The following NXNL2 variants were observed in gnomAD, a reference collection of about 807,000 sequenced individuals.
The protein encoded by NXNL2 is nucleoredoxin-like protein 2.
In NXNL2, 7 loss-of-function variants were observed where a neutral mutation model predicts 11.1. The ratio of observed to expected loss-of-function variants is 0.63; its 90% CI spans 0.36 to 1.18. NXNL2 has a LOEUF of 1.18. NXNL2 is among the 50% of genes most tolerant of loss of function. The pLI is 0.02. For synonymous variants in NXNL2, 109 were observed against 101.8 expected, an observed-to-expected ratio of 1.07 and a Z score of -0.42; for missense variants, 233 against 217.7, an observed-to-expected ratio of 1.07 and a Z score of -0.44.
At chr9:88,576,899 G>T (rs955282151), downstream of NXNL2, among the ~76,000 whole-genome samples, 43 of 152,244 alleles carry the variant, frequency 2.8e-4, 1 homozygote, top group East Asian at 1.4e-3. Context: ...TGCTTAAGGG[G>T]CTCCAACACT....
chr9:88,572,042 G>A (rs1347318530), intron 2 of NXNL2, among the ~76,000 whole-genome samples: 2 of 152,158 alleles, frequency 1.3e-5, no homozygotes, highest in Non-Finnish European at 2.9e-5. Flanking sequence ...TGAGGAGCAC[G>A]TGCCCAGAGA....
At chr9:88,535,765 C>G in intron 1 of NXNL2, 29 bp downstream of exon 1, 1 of 1,511,648 alleles carries the variant, frequency 6.6e-7, no homozygotes. Context: ...GGGGCGGGGG[C>G]CGCCCGGCAC....
chr9:88,578,232 C>T (rs1349214347), downstream of NXNL2, among the ~76,000 whole-genome samples: 2 of 152,166 alleles, frequency 1.3e-5, no homozygotes, highest in Non-Finnish European at 2.9e-5. Flanking sequence ...GTCCTCAAGG[C>T]GAGGGTTCCC....
At chr9:88,566,712 A>G (rs1482440854) in intron 1 of NXNL2, among the ~76,000 whole-genome samples, 1 of 152,104 alleles carries the variant, frequency 6.6e-6, no homozygotes, top group Non-Finnish European at 1.5e-5. Flanking sequence ...GACACATTTC[A>G]TTCTTTTGCA....
At position 88,544,440 on chromosome 9, in the gene NXNL2, G is replaced by A; in HGVS notation, c.364G>A (p.Gly122Arg). 1 of 1,551,850 alleles carries A rather than the reference G, an allele frequency of 6.4e-7. No homozygotes were observed. The highest frequency in any genetic ancestry group is 8.7e-7 in the Non-Finnish European group (1 of 1,147,032). The change falls in exon 2 of 2, where the codon GGG (glycine) becomes AGG (arginine). Residue 122 changes from glycine to arginine, a missense_variant. Physicochemically the swap from Gly to Arg is moderately radical, Grantham distance 125. Transcript: ENST00000375854. ...IPKLVIVKQN[G>R]EVITNKGRKQ... ...CAAGCTTGTGATTGTGAAACAAAATGGGGAGGTCATCACCAACAAAGGGCG... is the reference window on the plus strand; with the variant it reads ...CAAGCTTGTGATTGTGAAACAAAATAGGGAGGTCATCACCAACAAAGGGCG...
intron 1 of NXNL2, among the ~76,000 whole-genome samples, chr9:88,552,659 C>T (rs1419062909): frequency 6.6e-6 from 1 of 151,908 alleles, no homozygotes; most frequent in Non-Finnish European, 1.5e-5. Flanking sequence ...TTAGTAGAGA[C>T]GGGATTTCAC....
chr9:88,554,107 C>A (rs571953233), intron 1 of NXNL2, among the ~76,000 whole-genome samples: 1 of 152,242 alleles, frequency 6.6e-6, no homozygotes, highest in South Asian at 2.1e-4. Flanking sequence ...GGAGTCAGGG[C>A]CTCAGGCAGG....
intron 1 of NXNL2, chr9:88,539,631 GCA>G (rs1829706897): frequency 6.6e-6 from 1 of 152,260 alleles, no homozygotes; most frequent in African/African-American, 2.4e-5. Flanking sequence ...CCATTTTGCT[GCA>G]GTCTTTATGC....
chr9:88,568,864 G>A (rs1372465254), intron 1 of NXNL2, among the ~76,000 whole-genome samples: 1 of 152,068 alleles, frequency 6.6e-6, no homozygotes, highest in Non-Finnish European at 1.5e-5. Flanking sequence ...GTTACATTAT[G>A]GAGGCTTTGA....
chr9:88,558,433 C>A (rs997610565), intron 1 of NXNL2, among the ~76,000 whole-genome samples: 1 of 152,114 alleles, frequency 6.6e-6, no homozygotes, highest in Non-Finnish European at 1.5e-5. Context: ...AATCTGTATC[C>A]TTTTTCATAT....
In NXNL2 at chr9:88,535,380, G is replaced by A; in HGVS notation, c.-55G>A. On this transcript the variant is annotated 5_prime_UTR_variant, in exon 1 of 2. Coordinates refer to ENST00000375854, the MANE Select transcript of NXNL2 (RefSeq NM_001161625.2). ...CGGCGCTCGCCGCCGCCTCCCCGCAGGTGATCATCCTCCTGCAGGTGTCCT... is the reference window on the plus strand; with the variant it reads ...CGGCGCTCGCCGCCGCCTCCCCGCAAGTGATCATCCTCCTGCAGGTGTCCT... The A allele has an allele frequency of 6.7e-7, 1 of 1,484,572 alleles. No homozygotes were observed. The highest frequency in any genetic ancestry group is 1.4e-5 in the South Asian group (1 of 73,184). The allele number at this position is 1,484,572 out of a possible 1,614,324, so 92.0% of individuals were successfully genotyped here.
chr9:88,566,334 A>C (rs1476826690), intron 1 of NXNL2, among the ~76,000 whole-genome samples: 1 of 150,518 alleles, frequency 6.6e-6, no homozygotes, highest in Non-Finnish European at 1.5e-5. Flanking sequence ...TTGGTCTGTT[A>C]CTCAGGCTGG....
downstream of NXNL2, among the ~76,000 whole-genome samples, chr9:88,577,410 T>C (rs563306690): frequency 6.6e-6 from 1 of 152,210 alleles, no homozygotes; most frequent in East Asian, 1.9e-4. Flanking sequence ...GGTGAGCATG[T>C]CTACGGTCCT....
chr9:88,539,273 C>T (rs1228890982), intron 1 of NXNL2, among the ~76,000 whole-genome samples: 1 of 152,206 alleles, frequency 6.6e-6, no homozygotes, highest in Non-Finnish European at 1.5e-5. Flanking sequence ...TGGTCAAAGG[C>T]TGGTGCATGG....
At chr9:88,543,743 C>T (rs745542106) in intron 1 of NXNL2, among the ~76,000 whole-genome samples, 3 of 152,218 alleles carry the variant, frequency 2.0e-5, no homozygotes, top group Non-Finnish European at 4.4e-5. Context: ...ATGAAAACTT[C>T]AGTTCCTTAG....
chr9:88,564,477 C>T (rs747196853), intron 1 of NXNL2, among the ~76,000 whole-genome samples: 1 of 151,998 alleles, frequency 6.6e-6, no homozygotes, highest in Non-Finnish European at 1.5e-5. Context: ...AGTGCAGTGG[C>T]ACCATCTCAG....
rs1829601386 is a variant in NXNL2, at chr9:88,535,754, G to T, written c.302+18G>T. ...TACCGGCAGTGAGTGGGGGTCCTGG[G>T]GGGGCGGGGGCCGCCCGGCACGTCT... On this transcript the variant is annotated intron_variant, in intron 1 of 1. Transcript: ENST00000375854. The T allele has an allele frequency of 1.3e-6, 2 of 1,528,936 alleles. No individual in the cohort carries two copies. The highest frequency in any genetic ancestry group is 1.3e-5 in the South Asian group (1 of 78,870). 94.7% of individuals were successfully genotyped at this position (1,528,936 alleles called of 1,614,324 possible).
downstream of NXNL2, among the ~76,000 whole-genome samples, chr9:88,577,223 G>A (rs1484417250): frequency 6.6e-6 from 1 of 152,054 alleles, no homozygotes; most frequent in African/African-American, 2.4e-5. Flanking sequence ...ATTAGGAAGA[G>A]GAATTAGCTC....
chr9:88,573,605 C>T (rs1333900359), intron 2 of NXNL2, among the ~76,000 whole-genome samples: 5 of 152,126 alleles, frequency 3.3e-5, no homozygotes, highest in African/African-American at 9.7e-5. Context: ...ATTGCACTCA[C>T]GAGCAAGTGG....
Sources: allele counts gnomAD v4.1 joint callset (sites outside exome capture counted in the v4.1 genomes callset), GRCh38; gene constraint gnomAD v4.1.1; transcripts MANE v1.5; gene names NCBI Gene and HGNC (gene_info 2026-07-23, HGNC 2026-07-21).